Variants in CYP7B1 observed in about 807,000 individuals in gnomAD.
CYP7B1 encodes cytochrome P450 7B1.
In CYP7B1, 29 loss-of-function variants were observed where a neutral mutation model predicts 42.7. That is an observed-to-expected ratio of 0.68 (90% CI 0.51 to 0.93). CYP7B1 has a LOEUF of 0.93. CYP7B1 is among the 40% of genes least tolerant of loss of function. CYP7B1 has a pLI of 0.00. For missense variants in CYP7B1, 655 were observed against 600.5 expected, an observed-to-expected ratio of 1.09 and a Z score of -0.95; for synonymous variants, 235 against 218.2, an observed-to-expected ratio of 1.08 and a Z score of -0.68.
rs1156855099 is a variant in CYP7B1, at chr8:64,594,172, G to C, written c.*2470C>G. Reference sequence around the variant, plus strand: ...AGCAGCCCTGGGCTGAGATGGTTAGGCACAGTAGTGTGAGGATAGGTGATG... The same window carrying C: ...AGCAGCCCTGGGCTGAGATGGTTAGCCACAGTAGTGTGAGGATAGGTGATG... On this transcript the variant is annotated 3_prime_UTR_variant, in exon 6 of 6. Coordinates refer to ENST00000310193, the MANE Select transcript of CYP7B1 (RefSeq NM_004820.5). 6.6e-6 allele frequency among the ~76,000 whole-genome samples: 1 copy of C among 152,144 alleles called. No individual in the cohort carries two copies. Among genetic ancestry groups the C allele is most frequent in the Non-Finnish European group, 1.5e-5 (1 of 68,024 alleles).
At chr8:64,684,559 T>G (rs1034244211) in intron 1 of CYP7B1, among the ~76,000 whole-genome samples, 1 of 152,242 alleles carries the variant, frequency 6.6e-6, no homozygotes, top group Non-Finnish European at 1.5e-5. Context: ...AAGTCTATAT[T>G]AAATAGATTT....
chr8:64,731,413 T>C (rs1807406857), intron 1 of CYP7B1, among the ~76,000 whole-genome samples: 1 of 152,138 alleles, frequency 6.6e-6, no homozygotes, highest in Admixed American at 6.5e-5. Flanking sequence ...ACTGGCAGCA[T>C]TTTGCCCCTG....
At chr8:64,790,861 T>C (rs1309443382) in intron 1 of CYP7B1, among the ~76,000 whole-genome samples, 2 of 152,172 alleles carry the variant, frequency 1.3e-5, no homozygotes, top group East Asian at 3.9e-4. Context: ...ATAGCATCAT[T>C]ACAGATATAA....
intron 1 of CYP7B1, among the ~76,000 whole-genome samples, chr8:64,667,398 G>C (rs1281858504): frequency 2.6e-5 from 4 of 152,122 alleles, no homozygotes; most frequent in Non-Finnish European, 5.9e-5. Context: ...GCCAGCACTG[G>C]AGATTAATTC....
chr8:64,602,494 G>T (rs1020751678), intron 5 of CYP7B1, among the ~76,000 whole-genome samples: 1 of 152,216 alleles, frequency 6.6e-6, no homozygotes, highest in African/African-American at 2.4e-5. Flanking sequence ...TGGGCTGGGA[G>T]AATCTATGTT....
intron 1 of CYP7B1, among the ~76,000 whole-genome samples, chr8:64,651,416 T>C (rs1205479267): frequency 1.3e-5 from 2 of 152,238 alleles, no homozygotes; most frequent in Admixed American, 1.3e-4. Flanking sequence ...TCTCAGACAA[T>C]GTTGGTGGTT....
intron 1 of CYP7B1, among the ~76,000 whole-genome samples, chr8:64,790,626 C>A (rs578217555): frequency 6.6e-6 from 1 of 152,292 alleles, no homozygotes; most frequent in East Asian, 1.9e-4. Flanking sequence ...ACAATGCCTG[C>A]CTAAATCATG....
chr8:64,774,168 T>C lies in CYP7B1; in HGVS notation c.122+24298A>G, dbSNP rs576898482. On this transcript the variant is annotated intron_variant, in intron 1 of 5. Coordinates refer to ENST00000310193, the MANE Select transcript of CYP7B1 (RefSeq NM_004820.5). Reference sequence around the variant, plus strand: ...TCCCATCTAGCTAAATTATCAGCAATTGTTTTTCTGTGGCTTATCACTATC... The same window carrying C: ...TCCCATCTAGCTAAATTATCAGCAACTGTTTTTCTGTGGCTTATCACTATC... Among the ~76,000 whole-genome samples the C allele has an allele frequency of 3.9e-5, 6 of 152,334 alleles. No homozygotes were observed. The South Asian group carries it at 1.0e-3, about 26-fold the overall frequency.
At chr8:64,598,393 T>C (rs1413363764) in intron 5 of CYP7B1, among the ~76,000 whole-genome samples, 2 of 152,192 alleles carry the variant, frequency 1.3e-5, no homozygotes, top group Non-Finnish European at 2.9e-5. Context: ...TCAAGCCTGC[T>C]TGCCTGAGCT....
intron 1 of CYP7B1, among the ~76,000 whole-genome samples, chr8:64,706,858 A>C (rs1349705537): frequency 6.6e-6 from 1 of 151,966 alleles, no homozygotes; most frequent in African/African-American, 2.4e-5. Flanking sequence ...GCCCTCAATA[A>C]GTAGGAGAAA....
chr8:64,717,371 A>C (rs993050568), intron 1 of CYP7B1, among the ~76,000 whole-genome samples: 1 of 152,216 alleles, frequency 6.6e-6, no homozygotes, highest in Non-Finnish European at 1.5e-5. Context: ...AAATTGTACG[A>C]CTGTTTATTG....
intron 1 of CYP7B1, among the ~76,000 whole-genome samples, chr8:64,751,108 T>C (rs1315029105): frequency 1.3e-5 from 2 of 152,208 alleles, no homozygotes; most frequent in Non-Finnish European, 2.9e-5. Context: ...TATTCTAAAT[T>C]ATTTTCTTAA....
chr8:64,728,332 C>T (rs2129633018), intron 1 of CYP7B1, among the ~76,000 whole-genome samples: 1 of 152,270 alleles, frequency 6.6e-6, no homozygotes, highest in East Asian at 1.9e-4. Context: ...CATTTTAGAT[C>T]CTTGTGCTGG....
At chr8:64,708,460 T>C (rs1807031738) in intron 1 of CYP7B1, among the ~76,000 whole-genome samples, 1 of 152,170 alleles carries the variant, frequency 6.6e-6, no homozygotes. Flanking sequence ...AAAGAAGTCA[T>C]CCAAGAACAT....
intron 1 of CYP7B1, among the ~76,000 whole-genome samples, chr8:64,694,556 C>T (rs1308600499): frequency 6.6e-6 from 1 of 152,124 alleles, no homozygotes; most frequent in Non-Finnish European, 1.5e-5. Flanking sequence ...CTGTGCTGGT[C>T]CACAGTGAGA....
intron 1 of CYP7B1, among the ~76,000 whole-genome samples, chr8:64,648,604 T>A (rs1265188444): frequency 3.3e-5 from 5 of 152,230 alleles, no homozygotes; most frequent in Admixed American, 3.3e-4. Context: ...CTCAGTAAAG[T>A]AGAAACTTAT....
At chr8:64,690,668 G>A (rs184727591) in intron 1 of CYP7B1, among the ~76,000 whole-genome samples, 161 of 152,188 alleles carry the variant, frequency 1.1e-3, no homozygotes, top group Non-Finnish European at 7.6e-4. Flanking sequence ...GTTGAGCCAC[G>A]GTTAAAGAAA....
chr8:64,618,564 T>C (rs2129630288), intron 2 of CYP7B1, among the ~76,000 whole-genome samples: 2 of 92,638 alleles, frequency 2.2e-5, no homozygotes, highest in Admixed American at 9.9e-5. Flanking sequence ...AATACACACA[T>C]TCATTTTCTC....
chr8:64,590,413 T>C (rs994245071), downstream of CYP7B1, among the ~76,000 whole-genome samples: 3 of 152,240 alleles, frequency 2.0e-5, no homozygotes, highest in African/African-American at 7.2e-5. Context: ...ACAAATAGAA[T>C]ACTGTCCAAA....
Sources: gnomAD v4.1 joint callset for allele counts (sites outside exome capture counted in the v4.1 genomes callset) on GRCh38, gnomAD v4.1.1 for gene constraint, MANE v1.5 for transcripts, NCBI Gene and HGNC (gene_info 2026-07-23, HGNC 2026-07-21) for gene names.